Variants in WAC observed in about 807,000 individuals in gnomAD.
WAC encodes WW domain-containing adapter protein with coiled-coil.
Under a neutral mutation model 79.6 loss-of-function variants are expected in WAC, and 11 were observed. The ratio of observed to expected loss-of-function variants is 0.14; its 90% CI spans 0.09 to 0.23. WAC has a LOEUF of 0.23. Among genes scored for constraint, WAC ranks in the 10% least tolerant of loss-of-function variants. The pLI is 1.00. For synonymous variants in WAC, 304 were observed against 276.9 expected, an observed-to-expected ratio of 1.10 and a Z score of -0.97; for missense variants, 728 against 773.5, an observed-to-expected ratio of 0.94 and a Z score of 0.70.
In WAC at chr10:28,614,697, T is replaced by A. The variant is rs200619173; in HGVS notation, c.1556+12T>A. On this transcript the variant is annotated intron_variant, in intron 11 of 13. Transcript: ENST00000354911. ...CTTCAGCGCTCAAGGTAGGTTGATA[T>A]TGTATATTGAGACCACATTGTTTTA... is the stretch of plus-strand genomic sequence containing the variant. 1.9e-6 allele frequency: 3 copies of A among 1,590,016 alleles called. No individual in the cohort carries two copies. The African/African-American group carries it at 4.0e-5, about 21-fold the overall frequency.
Position 28,611,824 on chromosome 10 carries a change from C to G in WAC, c.1339C>G (p.Pro447Ala). 3 of 1,614,082 alleles carry G rather than the reference C, an allele frequency of 1.9e-6. No homozygotes were observed. Among genetic ancestry groups the G allele is most frequent in the Non-Finnish European group, 2.5e-6 (3 of 1,180,016 alleles). ...GTCTTTAACATCTGATGCGTCATCC[C>G]CAAGATCATATGTTTCTCCAAGAAT... ...PMSLTSDASS[P>A]RSYVSPRIST... The change falls in exon 10 of 14, where the codon CCA becomes GCA. Residue 447 changes from proline (P) to alanine (A), a missense_variant. Physicochemically the swap from Pro to Ala is conservative, Grantham distance 27. This residue lies in a region of WAC where 648 missense variants were observed against 661.5 expected (regional missense o/e 0.98). Coordinates refer to ENST00000354911, the MANE Select transcript of WAC (RefSeq NM_016628.5).
intron 7 of WAC, among the ~76,000 whole-genome samples, chr10:28,601,306 A>T (rs1840636089): frequency 6.6e-6 from 1 of 152,206 alleles, no homozygotes. Context: ...AAGCACATGA[A>T]AAGATGGTCA....
At chr10:28,553,436 C>T (rs763797832) in intron 3 of WAC, among the ~76,000 whole-genome samples, 2 of 152,050 alleles carry the variant, frequency 1.3e-5, no homozygotes, top group African/African-American at 2.4e-5. Flanking sequence ...ATCCACTGGG[C>T]AAATACAATT....
chr10:28,600,991 C>T (rs1840616056), intron 7 of WAC, among the ~76,000 whole-genome samples: 1 of 151,494 alleles, frequency 6.6e-6, no homozygotes, highest in African/African-American at 2.4e-5. Flanking sequence ...CACCGAGGCT[C>T]TTGGAAGAAA....
chr10:28,596,557 A>G (rs1352048047), intron 7 of WAC, among the ~76,000 whole-genome samples: 3 of 152,178 alleles, frequency 2.0e-5, no homozygotes, highest in Non-Finnish European at 4.4e-5. Flanking sequence ...AAACGTTGCA[A>G]CCCAAATTGC....
chr10:28,618,617 C>CA (rs757402899), intron 13 of WAC, among the ~76,000 whole-genome samples: 3 of 152,142 alleles, frequency 2.0e-5, no homozygotes, highest in Non-Finnish European at 4.4e-5. Flanking sequence ...TATATACAGT[C>CA]AAATATCAAG....
At position 28,611,559 on chromosome 10, in the gene WAC, T is replaced by G. The variant is rs552069270; in HGVS notation, c.1289-215T>G. The G allele has an allele frequency of 3.7e-5, 49 of 1,325,778 alleles. No individual in the cohort carries two copies. The African/African-American group carries it at 6.5e-4, about 18-fold the overall frequency. The allele number at this position is 1,325,778 out of a possible 1,614,324, so 82.1% of individuals were successfully genotyped here. A position where few individuals can be genotyped will look rare whatever the true frequency, so the allele number is the denominator to read the frequency against. On this transcript the variant is annotated intron_variant, in intron 9 of 13. Coordinates refer to ENST00000354911, the MANE Select transcript of WAC (RefSeq NM_016628.5). ...CCACATAAAGGAGAGTGGGCCACAC[T>G]GGGTGTGCTTACCTCTGAACACACA...
rs1317294090 is a variant in WAC at position 28,622,729 on chromosome 10, C to A, written c.*3123C>A. 1 of 152,022 alleles carries A rather than the reference C, an allele frequency of 6.6e-6. No homozygotes were observed. Among genetic ancestry groups the A allele is most frequent in the East Asian group, 1.9e-4 (1 of 5,192 alleles). The allele number at this position is 152,022 out of a possible 1,614,324, so 9.4% of individuals were successfully genotyped here. The stretch of plus-strand genomic sequence containing the variant: ...CTTGTAAAATCTTGGGAAGGAGGTT[C>A]TTAAAACTTTGCCAGGAATTGTTAC... On this transcript the variant is annotated 3_prime_UTR_variant, in exon 14 of 14. Coordinates refer to ENST00000354911, the MANE Select transcript of WAC (RefSeq NM_016628.5).
intron 3 of WAC, among the ~76,000 whole-genome samples, chr10:28,550,480 AT>A (rs1837607061): frequency 6.7e-6 from 1 of 150,338 alleles, no homozygotes; most frequent in African/African-American, 2.5e-5. Flanking sequence ...ATTTGTAATT[AT>A]TTACATATGT....
At chr10:28,539,506 T>TATAA (rs1298827570) in intron 3 of WAC, among the ~76,000 whole-genome samples, 1 of 152,174 alleles carries the variant, frequency 6.6e-6, no homozygotes. Context: ...TCTGAAAACA[T>TATAA]ACAATCTTGT....
intron 3 of WAC, among the ~76,000 whole-genome samples, chr10:28,580,782 A>T (rs1395055962): frequency 6.6e-6 from 1 of 152,168 alleles, no homozygotes; most frequent in African/African-American, 2.4e-5. Flanking sequence ...CATAGATCTC[A>T]TGTTTTTCTT....
At chr10:28,618,501 TCTTA>T (rs1350782514) in intron 13 of WAC, among the ~76,000 whole-genome samples, 43 of 152,340 alleles carry the variant, frequency 2.8e-4, no homozygotes, top group Non-Finnish European at 3.4e-4. Context: ...CAACTTGGGT[TCTTA>T]TAGTCAGATT....
chr10:28,562,205 C>T (rs565687860), intron 3 of WAC, among the ~76,000 whole-genome samples: 21 of 152,100 alleles, frequency 1.4e-4, no homozygotes, highest in Admixed American at 9.8e-4. Flanking sequence ...TGTAGGTGTG[C>T]GCAACCACAT....
intron 3 of WAC, among the ~76,000 whole-genome samples, chr10:28,540,212 A>G (rs1038168300): frequency 6.6e-6 from 1 of 152,210 alleles, no homozygotes; most frequent in Non-Finnish European, 1.5e-5. Context: ...GACAACAGAT[A>G]GTATCCTTAT....
intron 3 of WAC, among the ~76,000 whole-genome samples, chr10:28,563,819 C>T (rs192555042): frequency 9.5e-5 from 13 of 136,470 alleles, no homozygotes; most frequent in Admixed American, 9.2e-4. Flanking sequence ...CCAGGATGGT[C>T]GTGATCTCCT....
intron 4 of WAC, among the ~76,000 whole-genome samples, chr10:28,586,781 G>A (rs1465015526): frequency 6.6e-6 from 1 of 151,948 alleles, no homozygotes; most frequent in Non-Finnish European, 1.5e-5. Flanking sequence ...TTCAAAGGGG[G>A]CTCTGAATTA....
chr10:28,558,191 G>C (rs562294774), intron 3 of WAC, among the ~76,000 whole-genome samples: 1 of 152,204 alleles, frequency 6.6e-6, no homozygotes, highest in East Asian at 1.9e-4. Context: ...TCAATCTTTA[G>C]AGAGAAAACT....
chr10:28,607,216 C>T (rs752535263), intron 7 of WAC, among the ~76,000 whole-genome samples: 44 of 152,080 alleles, frequency 2.9e-4, no homozygotes, highest in Non-Finnish European at 5.3e-4. Context: ...GTTATGGATA[C>T]CTTTCTGTGT....
At chr10:28,550,816 TA>T (rs1002157736) in intron 3 of WAC, among the ~76,000 whole-genome samples, 4 of 152,020 alleles carry the variant, frequency 2.6e-5, no homozygotes, top group South Asian at 2.1e-4. Flanking sequence ...ATATAAACTT[TA>T]AAAAAAATTG....
Sources: allele counts gnomAD v4.1 joint callset (sites outside exome capture counted in the v4.1 genomes callset), GRCh38; gene constraint gnomAD v4.1.1; regional missense constraint gnomAD v4.1.1; transcripts MANE v1.5; gene names NCBI Gene and HGNC (gene_info 2026-07-23, HGNC 2026-07-21).